The following CALN1 variants were observed in gnomAD, a reference collection of about 807,000 sequenced individuals.
CALN1 encodes calcium-binding protein 8.
CALN1 carries 17 observed loss-of-function variants against 30.6 expected under a neutral mutation model. The ratio of observed to expected loss-of-function variants is 0.56; its 90% CI spans 0.38 to 0.83. The LOEUF is 0.83. CALN1 is among the 40% of genes least tolerant of loss of function. The pLI, the probability that CALN1 is intolerant of heterozygous loss-of-function variation, is 0.00. For missense variants in CALN1, 291 were observed against 354.9 expected (o/e 0.82, Z 1.45); for synonymous variants, 156 against 131.4 (o/e 1.19, Z -1.28).
chr7:71,922,918 A>G (rs1385511167), intron 5 of CALN1, among the ~76,000 whole-genome samples: 1 of 146,886 alleles, frequency 6.8e-6, no homozygotes, highest in East Asian at 2.0e-4. Flanking sequence ...GTATATAAGC[A>G]TATACAATGT....
intron 5 of CALN1, among the ~76,000 whole-genome samples, chr7:72,006,492 A>G (rs1799779255): frequency 1.3e-5 from 2 of 152,212 alleles, no homozygotes; most frequent in Admixed American, 1.3e-4. Flanking sequence ...CCACTCTATT[A>G]AAAGACAAAT....
chr7:72,252,421 G>A (rs1215155280), intron 3 of CALN1, among the ~76,000 whole-genome samples: 3 of 152,088 alleles, frequency 2.0e-5, no homozygotes, highest in African/African-American at 7.2e-5. Flanking sequence ...GCAACATGGT[G>A]AGACCTCTTC....
At chr7:72,297,963 G>A (rs1337525138) in intron 2 of CALN1, among the ~76,000 whole-genome samples, 2 of 152,180 alleles carry the variant, frequency 1.3e-5, no homozygotes, top group Non-Finnish European at 2.9e-5. Flanking sequence ...TCTGTTTCCA[G>A]ATTTTTGAAC....
chr7:71,918,176 T>C (rs574848840), intron 5 of CALN1, among the ~76,000 whole-genome samples: 1 of 152,278 alleles, frequency 6.6e-6, no homozygotes, highest in African/African-American at 2.4e-5. Context: ...TCACCATTCT[T>C]AGGAACATTA....
chr7:71,788,365 C>A (rs375893204), intron 6 of CALN1, among the ~76,000 whole-genome samples: 1 of 151,960 alleles, frequency 6.6e-6, no homozygotes, highest in African/African-American at 2.4e-5. Flanking sequence ...CTTTCCTGGA[C>A]GTTTTCTTGG....
At chr7:72,398,144 G>C (rs1806102586) in intron 2 of CALN1, among the ~76,000 whole-genome samples, 1 of 152,176 alleles carries the variant, frequency 6.6e-6, no homozygotes, top group African/African-American at 2.4e-5. Context: ...GCAAAGAGGA[G>C]TCCAGCTGAT....
intron 2 of CALN1, among the ~76,000 whole-genome samples, chr7:72,395,927 G>A (rs1366960997): frequency 5.3e-5 from 8 of 152,170 alleles, no homozygotes; most frequent in South Asian, 2.1e-4. Context: ...GATTTAGGAG[G>A]TAGGACCTCC....
At chr7:72,008,218 C>T (rs112444945) in intron 5 of CALN1, among the ~76,000 whole-genome samples, 5 of 152,122 alleles carry the variant, frequency 3.3e-5, no homozygotes, top group African/African-American at 1.2e-4. Context: ...ATCTGACATT[C>T]TATGATTATG....
the CALN1 span, among the ~76,000 whole-genome samples, chr7:72,468,957 G>T: frequency 6.6e-6 from 1 of 152,098 alleles, no homozygotes; most frequent in African/African-American, 2.4e-5. Flanking sequence ...CTGTATACTA[G>T]ACTCTTATCA....
intron 5 of CALN1, among the ~76,000 whole-genome samples, chr7:71,972,582 T>C (rs913820445): frequency 9.2e-5 from 14 of 152,218 alleles, no homozygotes; most frequent in Non-Finnish European, 1.6e-4. Context: ...TCGCAAGTGA[T>C]AAATGATGTC....
intron 4 of CALN1, among the ~76,000 whole-genome samples, chr7:72,046,709 TAAAAAA>T (rs59664699): frequency 7.7e-5 from 4 of 51,842 alleles, no homozygotes; most frequent in Non-Finnish European, 1.4e-4. Flanking sequence ...GACTCCCTCT[TAAAAAA>T]AAAAAAAAAA....
chr7:72,376,540 G>T (rs550661908), intron 2 of CALN1, among the ~76,000 whole-genome samples: 1 of 152,058 alleles, frequency 6.6e-6, no homozygotes, highest in South Asian at 2.1e-4. Flanking sequence ...CTAATTATTT[G>T]TCCTTTTTTA....
intron 5 of CALN1, among the ~76,000 whole-genome samples, chr7:71,966,107 T>A (rs1454620613): frequency 6.6e-6 from 1 of 152,260 alleles, no homozygotes; most frequent in Non-Finnish European, 1.5e-5. Context: ...TCTATGCTCC[T>A]GTGCAAGACC....
intron 4 of CALN1, among the ~76,000 whole-genome samples, chr7:72,059,961 GAGA>G (rs3065014): frequency 0.19 from 28,437 of 151,898 alleles, 3,249 homozygotes; most frequent in East Asian, 0.34. Flanking sequence ...AGGTGATTTG[GAGA>G]AGACCTGAAT....
intron 4 of CALN1, among the ~76,000 whole-genome samples, chr7:72,103,574 G>T (rs1806853766): frequency 6.6e-6 from 1 of 152,168 alleles, no homozygotes; most frequent in South Asian, 2.1e-4. Flanking sequence ...ACCAACTTGG[G>T]ATTGTTGAGC....
chr7:72,039,131 A>G (rs975106780), intron 4 of CALN1, among the ~76,000 whole-genome samples: 2 of 152,224 alleles, frequency 1.3e-5, no homozygotes, highest in African/African-American at 4.8e-5. Context: ...AATTTTGGAT[A>G]TTTGAACCAT....
chr7:72,198,453 T>C (rs977978195), intron 3 of CALN1, among the ~76,000 whole-genome samples: 1 of 152,122 alleles, frequency 6.6e-6, no homozygotes, highest in Non-Finnish European at 1.5e-5. Context: ...CTTCCTAAAA[T>C]CATGTGCAAT....
At chr7:71,979,399 G>A (rs1040693549) in intron 5 of CALN1, among the ~76,000 whole-genome samples, 7 of 152,156 alleles carry the variant, frequency 4.6e-5, no homozygotes, top group Non-Finnish European at 1.0e-4. Context: ...TGGGGGTGAT[G>A]GGAGACAGTG....
intron 5 of CALN1, among the ~76,000 whole-genome samples, chr7:71,973,397 A>G (rs946384604): frequency 6.6e-6 from 1 of 152,116 alleles, no homozygotes; most frequent in Non-Finnish European, 1.5e-5. Context: ...GCTGGTCTCA[A>G]ACTCCTGACC....
Sources: allele counts gnomAD v4.1 joint callset (sites outside exome capture counted in the v4.1 genomes callset), GRCh38; gene constraint gnomAD v4.1.1; transcripts MANE v1.5; gene names NCBI Gene and HGNC (gene_info 2026-07-23, HGNC 2026-07-21).